The following ABR variants were observed in gnomAD, a reference collection of about 807,000 sequenced individuals.
ABR encodes the protein ABR activator of RhoGEF and GTPase.
ABR carries 35 observed loss-of-function variants against 107.2 expected under a neutral mutation model. That is an observed-to-expected ratio of 0.33 (90% CI 0.25 to 0.43). The LOEUF (loss-of-function observed/expected upper bound fraction) is 0.43, where lower values mean the gene tolerates loss of function less well. Ranked by LOEUF, ABR falls within the 20% of genes least tolerant of loss-of-function variation. The probability of loss-of-function intolerance (pLI) is 1.00; values close to 1 mark genes in which losing one functional copy is unlikely to be tolerated. For synonymous variants in ABR, 498 were observed against 462.0 expected (o/e 1.08, Z -1.00); for missense variants, 815 against 1,115.2 (o/e 0.73, Z 3.83).
intron 1 of ABR, among the ~76,000 whole-genome samples, chr17:1,213,620 T>C (rs1356268393): frequency 2.6e-5 from 4 of 152,144 alleles, no homozygotes; most frequent in African/African-American, 9.7e-5. Flanking sequence ...CTCAAACTCC[T>C]GACCTCGTGA....
intron 1 of ABR, among the ~76,000 whole-genome samples, chr17:1,226,286 C>T (rs938582308): frequency 3.3e-5 from 5 of 152,208 alleles, no homozygotes; most frequent in South Asian, 2.1e-4. Flanking sequence ...AACGCCTTCC[C>T]TTAATCGCTC....
rs1169762489 is a variant in ABR at position 1,005,255 on chromosome 17, G to A, written c.*825C>T. 1 of 398,402 alleles carries A rather than the reference G, an allele frequency of 2.5e-6. No individual in the cohort carries two copies. Among genetic ancestry groups the A allele is most frequent in the African/African-American group, 2.1e-5 (1 of 48,650 alleles). The allele number at this position is 398,402 out of a possible 1,614,324, so 24.7% of individuals were successfully genotyped here. ...CAGCAGGGAAGGGAACTGAAAAGCA[G>A]TAGAAGAAACAGTCAGAGATGCCTC... On this transcript the variant is annotated 3_prime_UTR_variant, in exon 23 of 23. Transcript: ENST00000302538.
At chr17:1,013,838 G>A (rs2150751443) in intron 16 of ABR, among the ~76,000 whole-genome samples, 1 of 152,336 alleles carries the variant, frequency 6.6e-6, no homozygotes, top group East Asian at 1.9e-4. Flanking sequence ...AGCCCAGGGA[G>A]GTGCGGACCC....
chr17:1,178,564 C>CA (rs11301468), intron 1 of ABR, among the ~76,000 whole-genome samples: 4,437 of 121,844 alleles, frequency 0.036, 210 homozygotes, highest in African/African-American at 0.1. Context: ...GACTCCGTCT[C>CA]AAAAAAAAAA....
intron 2 of ABR, among the ~76,000 whole-genome samples, chr17:1,111,391 C>T (rs1216311498): frequency 6.6e-6 from 1 of 152,196 alleles, no homozygotes; most frequent in Non-Finnish European, 1.5e-5. Flanking sequence ...ACTCCACTCA[C>T]AGGCCCTCGG....
intron 16 of ABR, among the ~76,000 whole-genome samples, chr17:1,013,608 A>G (rs891353096): frequency 6.6e-6 from 1 of 152,254 alleles, no homozygotes; most frequent in Non-Finnish European, 1.5e-5. Context: ...GAACCAGCCC[A>G]TCCACGTGGA....
chr17:1,039,829 G>A (rs1023085944), intron 16 of ABR, among the ~76,000 whole-genome samples: 1 of 152,186 alleles, frequency 6.6e-6, no homozygotes, highest in Non-Finnish European at 1.5e-5. Flanking sequence ...AGCCGAGGCG[G>A]GGCCTGACAT....
chr17:1,217,896 T>C (rs1344341477), intron 1 of ABR, among the ~76,000 whole-genome samples: 34 of 152,194 alleles, frequency 2.2e-4, no homozygotes, highest in Non-Finnish European at 1.5e-5. Context: ...GGTTTCACCA[T>C]GTTGGCCAGG....
At chr17:1,166,564 G>C (rs189850218) in intron 1 of ABR, among the ~76,000 whole-genome samples, 388 of 152,324 alleles carry the variant, frequency 2.5e-3, no homozygotes, top group Middle Eastern at 0.01. Flanking sequence ...TCTCTGAGAA[G>C]GCTCCCACGT....
chr17:1,087,561 T>TCAAGGGGGTGGGGCCTGACATTA (rs1179419474), intron 4 of ABR, among the ~76,000 whole-genome samples: 1 of 131,912 alleles, frequency 7.6e-6, no homozygotes, highest in African/African-American at 2.9e-5. Context: ...GCCTGAGTTT[T>TCAAGGGGGTGGGGCCTGACATTA]AAAGGGGGTG....
In ABR at chr17:1,050,764, T is replaced by C. The variant is rs1056571808; in HGVS notation, c.1562-130A>G. 29 of 730,408 alleles carry C rather than the reference T, an allele frequency of 4.0e-5. No individual in the cohort carries two copies. In the African/African-American group the frequency reaches 4.3e-4, roughly 11 times the overall value. 45.2% of individuals were successfully genotyped at this position (730,408 alleles called of 1,614,324 possible). ...GTCCCCACGGATGGCATCTTGGCTC[T>C]CTCCTCCCTGAAGCCCGGGACCATC... On this transcript the variant is annotated intron_variant, in intron 14 of 22. Transcript: ENST00000302538. The surrounding 1 kb of genome is among the most constrained non-coding windows in gnomAD (Gnocchi z 4.6).
In ABR at chr17:1,033,682, C is replaced by G. The variant is rs1463613152; in HGVS notation, c.1791+16368G>C. On this transcript the variant is annotated intron_variant, in intron 16 of 22. Transcript: ENST00000302538. ...CCTGGCTCACACGTCACACGCACCC[C>G]TGGACGGTGCACACGGAACTTCCTC... Among the ~76,000 whole-genome samples the G allele has an allele frequency of 2.6e-5, 4 of 152,308 alleles. No homozygotes were observed. In the East Asian group the frequency reaches 7.7e-4, roughly 29 times the overall value.
chr17:1,080,499 G>A (rs573560038), intron 5 of ABR, among the ~76,000 whole-genome samples: 26 of 152,150 alleles, frequency 1.7e-4, no homozygotes, highest in Non-Finnish European at 3.2e-4. Context: ...CCTCAAAGAG[G>A]GGTGTGGGAG....
intron 1 of ABR, among the ~76,000 whole-genome samples, chr17:1,131,085 TCG>T (rs2039805083): frequency 6.1e-5 from 9 of 147,652 alleles, no homozygotes; most frequent in African/African-American, 2.3e-4. Flanking sequence ...CGCACACAGC[TCG>T]CCCCTTTGCA....
At chr17:1,018,834 A>G (rs2071404992) in intron 16 of ABR, among the ~76,000 whole-genome samples, 1 of 152,194 alleles carries the variant, frequency 6.6e-6, no homozygotes, top group South Asian at 2.1e-4. Context: ...GTTCATGATC[A>G]TGATAGCAGA....
chr17:1,212,638 C>T (rs2042924386), intron 1 of ABR, among the ~76,000 whole-genome samples: 1 of 152,118 alleles, frequency 6.6e-6, no homozygotes, highest in African/African-American at 2.4e-5. Context: ...GCCTGTAATC[C>T]CAGCACTTTG....
chr17:1,108,827 C>T (rs2038443892), intron 2 of ABR: 1 of 1,100,056 alleles, frequency 9.1e-7, no homozygotes, highest in Non-Finnish European at 1.2e-6. Context: ...CCGCCGAGGG[C>T]TTCCACCCGG....
chr17:1,162,753 C>A (rs183032299), intron 1 of ABR, among the ~76,000 whole-genome samples: 19 of 145,346 alleles, frequency 1.3e-4, no homozygotes, highest in Non-Finnish European at 2.3e-4. Flanking sequence ...GGCCAAGCAC[C>A]CCGGCTCACA....
intron 1 of ABR, among the ~76,000 whole-genome samples, chr17:1,201,904 C>T (rs990589255): frequency 2.0e-5 from 3 of 152,172 alleles, no homozygotes; most frequent in African/African-American, 7.2e-5. Context: ...CTCTCGATCT[C>T]CTGACCTCGT....
Sources: allele counts gnomAD v4.1 joint callset (sites outside exome capture counted in the v4.1 genomes callset), GRCh38; gene constraint gnomAD v4.1.1; non-coding constraint Gnocchi (gnomAD v3.1); transcripts MANE v1.5; gene names NCBI Gene and HGNC (gene_info 2026-07-23, HGNC 2026-07-21).